PCNX1: variants seen among roughly 807,000 people sequenced by gnomAD.
PCNX1 encodes pecanex-like protein 1.
A neutral mutation model predicts 242.2 loss-of-function variants in PCNX1; 78 were observed. That is an observed-to-expected ratio of 0.32 (90% CI 0.27 to 0.39). PCNX1 has a LOEUF of 0.39. Among genes scored for constraint, PCNX1 ranks in the 10% least tolerant of loss-of-function variants. The pLI, the probability that PCNX1 is intolerant of heterozygous loss-of-function variation, is 1.00. For missense variants in PCNX1, 2,581 were observed against 2,856.5 expected (o/e 0.90, Z 2.20); for synonymous variants, 1,024 against 1,032.9 (o/e 0.99, Z 0.17).
At chr14:71,040,988 G>A (rs1183432695) in intron 19 of PCNX1, among the ~76,000 whole-genome samples, 4 of 152,196 alleles carry the variant, frequency 2.6e-5, no homozygotes, top group Admixed American at 2.6e-4. Context: ...CCATGGTATA[G>A]CAAATGACAA....
chr14:70,986,480 A>G (rs934618065), intron 6 of PCNX1, among the ~76,000 whole-genome samples: 1 of 152,184 alleles, frequency 6.6e-6, no homozygotes, highest in Non-Finnish European at 1.5e-5. Context: ...ACCAAGAAAC[A>G]TTTTGACTAA....
chr14:70,982,904 A>C lies in PCNX1; in HGVS notation c.2311+4256A>C, dbSNP rs536263995. Among the ~76,000 whole-genome samples the C allele has an allele frequency of 3.9e-5, 6 of 152,364 alleles. No homozygotes were observed. The South Asian group carries it at 1.2e-3, about 32-fold the overall frequency. On this transcript the variant is annotated intron_variant, in intron 6 of 35. Transcript: ENST00000304743. ...CAATTTCCTCAACTGTAAAACAGGA[A>C]TAATAACCGTCTAGACCTGTCTCAC...
chr14:71,088,031 T>G (rs1304739692), intron 28 of PCNX1, among the ~76,000 whole-genome samples: 1 of 152,100 alleles, frequency 6.6e-6, no homozygotes, highest in Non-Finnish European at 1.5e-5. Context: ...GTAATATCAG[T>G]AATCTCAGTA....
chr14:71,064,923 C>T (rs149254407), intron 26 of PCNX1, among the ~76,000 whole-genome samples: 2 of 152,292 alleles, frequency 1.3e-5, no homozygotes, highest in East Asian at 1.9e-4. Context: ...CAGTTCCATC[C>T]ATGTCCCTGC....
At chr14:71,071,542 T>C (rs535583623) in intron 26 of PCNX1, among the ~76,000 whole-genome samples, 55 of 152,246 alleles carry the variant, frequency 3.6e-4, no homozygotes, top group African/African-American at 1.3e-3. Flanking sequence ...TTCAAAAGTG[T>C]ATAGCGCCTC....
chr14:71,052,077 CATT>C (rs1287245576), intron 24 of PCNX1, 65 bp downstream of exon 24: 6 of 1,169,036 alleles, frequency 5.1e-6, no homozygotes, highest in Non-Finnish European at 7.3e-6. Context: ...CTATTGACAG[CATT>C]ATTATTAGAA....
chr14:70,933,829 A>T (rs2056895766), intron 1 of PCNX1, among the ~76,000 whole-genome samples: 1 of 152,218 alleles, frequency 6.6e-6, no homozygotes, highest in African/African-American at 2.4e-5. Flanking sequence ...AAGTTAGTTG[A>T]CATTAAGTGT....
At position 71,068,622 on chromosome 14, in the gene PCNX1, G is replaced by A. The variant is rs190260219; in HGVS notation, c.4853-4923G>A. Among the ~76,000 whole-genome samples the A allele has an allele frequency of 7.9e-3, 1,135 of 143,388 alleles. 15 individuals carry two copies. The highest frequency in any genetic ancestry group is 0.018 in the South Asian group (80 of 4,472). The allele number at this position is 143,388 out of a possible 152,430, so 94.1% of individuals were successfully genotyped here. On this transcript the variant is annotated intron_variant, in intron 26 of 35. Transcript: ENST00000304743. ...TGTGTGTGTGTGTGTGTGTGTGTGT[G>A]TATAAAAATATATATACATATATTG... is the stretch of plus-strand genomic sequence containing the variant.
intron 1 of PCNX1, among the ~76,000 whole-genome samples, chr14:70,917,347 C>CT (rs2056190821): frequency 6.6e-6 from 1 of 152,186 alleles, no homozygotes; most frequent in African/African-American, 2.4e-5. Flanking sequence ...GAATCACTGT[C>CT]TGACAGCCTT....
In PCNX1 at chr14:70,915,671, A is replaced by T. The variant is rs538199347; in HGVS notation, c.153+7668A>T. ...ATTTCCAGGTTTTAGCTATTTAGAA[A>T]ACAGTAGGGTGAATACTCTTGTAGT... On this transcript the variant is annotated intron_variant, in intron 1 of 35. Coordinates refer to ENST00000304743, the MANE Select transcript of PCNX1 (RefSeq NM_014982.3). 1.1e-4 allele frequency among the ~76,000 whole-genome samples: 16 copies of T among 152,316 alleles called. 1 individual carries two copies. In the South Asian group the frequency reaches 3.3e-3, roughly 32 times the overall value.
At chr14:71,059,747 A>C (rs1332403368) in intron 26 of PCNX1, among the ~76,000 whole-genome samples, 1 of 152,122 alleles carries the variant, frequency 6.6e-6, no homozygotes, top group Non-Finnish European at 1.5e-5. Context: ...ACAATTTTTC[A>C]GTGACTTCTC....
chr14:71,076,474 A>T, intron 28 of PCNX1, 55 bp downstream of exon 28: 1 of 1,163,688 alleles, frequency 8.6e-7, no homozygotes, highest in South Asian at 1.2e-5. Flanking sequence ...AAAGATGCAA[A>T]GAATGTCCCT....
intron 8 of PCNX1, among the ~76,000 whole-genome samples, chr14:71,009,397 C>T (rs1179911847): frequency 6.6e-6 from 1 of 152,196 alleles, no homozygotes; most frequent in Non-Finnish European, 1.5e-5. Context: ...GCAAAGCTGA[C>T]TTAAGTCCCT....
intron 26 of PCNX1, among the ~76,000 whole-genome samples, chr14:71,066,310 C>T (rs554831681): frequency 6.6e-6 from 1 of 152,264 alleles, no homozygotes; most frequent in East Asian, 1.9e-4. Flanking sequence ...TTGTAGTTCT[C>T]CTTGAAGAGG....
At position 71,114,264 on chromosome 14, in the gene PCNX1, T is replaced by C. The variant is rs900720565; in HGVS notation, c.*4329T>C. On this transcript the variant is annotated 3_prime_UTR_variant, in exon 36 of 36. Coordinates refer to ENST00000304743, the MANE Select transcript of PCNX1 (RefSeq NM_014982.3). ...AAAAGCCAATCGTTTTCTCCATTTA[T>C]CTATCTTTTTTGTTTGTTTTTAATT... 6.6e-6 allele frequency: 1 copy of C among 152,206 alleles called. No homozygotes were observed. Among genetic ancestry groups the C allele is most frequent in the South Asian group, 2.1e-4 (1 of 4,832 alleles). The allele number at this position is 152,206 out of a possible 1,614,324, so 9.4% of individuals were successfully genotyped here.
At position 70,949,012 on chromosome 14, in the gene PCNX1, TATAA is replaced by T. The variant is rs536930830; in HGVS notation, c.362+1895_362+1898del. On this transcript the variant is annotated intron_variant, in intron 2 of 35. Transcript: ENST00000304743. ...AAATCTCAGCATTTTTATTTACTCGTATAAATAAAATGTGTGTGTATATATACAC... is the reference window on the plus strand; with the variant it reads ...AAATCTCAGCATTTTTATTTACTCGTATAAAATGTGTGTGTATATATACAC... Among the ~76,000 whole-genome samples, 111 of 147,262 alleles carry T rather than the reference TATAA, an allele frequency of 7.5e-4. 2 individuals carry two copies. The South Asian group carries it at 0.017, about 23-fold the overall frequency.
chr14:71,083,861 A>G (rs916808762), intron 28 of PCNX1, among the ~76,000 whole-genome samples: 1 of 152,078 alleles, frequency 6.6e-6, no homozygotes, highest in Non-Finnish European at 1.5e-5. Flanking sequence ...CAATTTGTCA[A>G]ACTCATTCTC....
In PCNX1 at chr14:71,105,424, T is replaced by C; in HGVS notation, c.6285T>C (p.Ser2095=). The C allele has an allele frequency of 6.2e-7, 1 of 1,613,556 alleles. No individual in the cohort carries two copies. The highest frequency in any genetic ancestry group is 8.5e-7 in the Non-Finnish European group (1 of 1,179,462). ...SGTGLHPPVT[S]YPPTLGTSHS... is the part of the protein sequence containing the mutation. ...CTGGACTCCACCCACCTGTCACATC[T>C]TATCCTCCAACACTAGGTAATGTGA... is the stretch of plus-strand genomic sequence containing the variant. The change falls in exon 33 of 36, where the codon TCT becomes TCC. Residue 2095 remains serine (S), a synonymous_variant. Coordinates refer to ENST00000304743, the MANE Select transcript of PCNX1 (RefSeq NM_014982.3).
intron 19 of PCNX1, among the ~76,000 whole-genome samples, chr14:71,040,281 TTAG>T (rs2060667616): frequency 6.6e-6 from 1 of 152,224 alleles, no homozygotes; most frequent in Non-Finnish European, 1.5e-5. Flanking sequence ...TTTTTCTCTT[TTAG>T]TACATGAAGA....
Sources: allele counts gnomAD v4.1 joint callset (sites outside exome capture counted in the v4.1 genomes callset), GRCh38; gene constraint gnomAD v4.1.1; transcripts MANE v1.5; gene names NCBI Gene and HGNC (gene_info 2026-07-23, HGNC 2026-07-21).